The following RTN4RL1 variants were observed in gnomAD, a reference collection of about 807,000 sequenced individuals.
The protein encoded by RTN4RL1 is reticulon-4 receptor-like 1.
Under a neutral mutation model 25.6 loss-of-function variants are expected in RTN4RL1, and 7 were observed. The ratio of observed to expected loss-of-function variants is 0.27; its 90% CI spans 0.16 to 0.51. The LOEUF is 0.51. Ranked by LOEUF, RTN4RL1 falls within the 20% of genes least tolerant of loss-of-function variation. The probability of loss-of-function intolerance (pLI) is 0.97; values close to 1 mark genes in which losing one functional copy is unlikely to be tolerated. For synonymous variants in RTN4RL1, 297 were observed against 288.2 expected (o/e 1.03, Z -0.31); for missense variants, 500 against 615.6 (o/e 0.81, Z 1.99).
intron 1 of RTN4RL1, among the ~76,000 whole-genome samples, chr17:1,942,690 G>A (rs1915463947): frequency 6.6e-6 from 1 of 152,130 alleles, no homozygotes; most frequent in South Asian, 2.1e-4. Flanking sequence ...AAATCCCCAA[G>A]TCCCTGCTTG....
intron 1 of RTN4RL1, among the ~76,000 whole-genome samples, chr17:1,970,821 T>C (rs2066815377): frequency 6.6e-6 from 1 of 152,176 alleles, no homozygotes; most frequent in Admixed American, 6.5e-5. Context: ...AACACTCCTC[T>C]ATTTTTAAAC....
intron 1 of RTN4RL1, among the ~76,000 whole-genome samples, chr17:1,984,904 T>C (rs1597227305): frequency 6.6e-6 from 1 of 151,622 alleles, no homozygotes; most frequent in African/African-American, 2.4e-5. Context: ...AAGGCGGAGG[T>C]TGCAGTGAGC....
At position 1,935,992 on chromosome 17, in the gene RTN4RL1, A is replaced by G. The variant is rs570318906; in HGVS notation, c.*504T>C. 6.2e-5 allele frequency: 61 copies of G among 987,188 alleles called. No homozygotes were observed. The African/African-American group carries it at 1.0e-3, about 17-fold the overall frequency. The allele number at this position is 987,188 out of a possible 1,614,324, so 61.2% of individuals were successfully genotyped here. A position where few individuals can be genotyped will look rare whatever the true frequency, so the allele number is the denominator to read the frequency against. On this transcript the variant is annotated 3_prime_UTR_variant, in exon 2 of 2. Coordinates refer to ENST00000331238, the MANE Select transcript of RTN4RL1 (RefSeq NM_178568.4). ...GGTGGAGTAGGATAGAATTCAGGGC[A>G]GGGTGACTGGCCTCAGGCAAGAGCC...
chr17:1,988,143 G>C (rs1678127473), intron 1 of RTN4RL1, among the ~76,000 whole-genome samples: 1 of 151,870 alleles, frequency 6.6e-6, no homozygotes, highest in South Asian at 2.1e-4. Flanking sequence ...AGGAGGCCGG[G>C]CATGGTGGCT....
chr17:1,958,289 G>C (rs1001926018), intron 1 of RTN4RL1, among the ~76,000 whole-genome samples: 6 of 152,222 alleles, frequency 3.9e-5, no homozygotes, highest in Non-Finnish European at 8.8e-5. Context: ...CGTGGGAGGA[G>C]ACATCTCTCT....
At chr17:1,956,723 C>A in intron 1 of RTN4RL1, among the ~76,000 whole-genome samples, 1 of 149,046 alleles carries the variant, frequency 6.7e-6, no homozygotes, top group Non-Finnish European at 1.5e-5. Context: ...AACATCACTG[C>A]ATACCTGTCG....
chr17:1,961,909 T>C (rs927119508), intron 1 of RTN4RL1, among the ~76,000 whole-genome samples: 11 of 147,474 alleles, frequency 7.5e-5, no homozygotes, highest in Admixed American at 4.8e-4. Flanking sequence ...GATCACACCA[T>C]TGGACTCCAG....
intron 1 of RTN4RL1, among the ~76,000 whole-genome samples, chr17:2,014,112 C>T (rs1019834084): frequency 1.3e-5 from 2 of 152,178 alleles, no homozygotes; most frequent in Admixed American, 6.5e-5. Context: ...CTTTCAGTAA[C>T]CTTTTGGGAG....
In RTN4RL1 at chr17:1,938,455, T is replaced by C. The variant is rs191584195; in HGVS notation, c.14-647A>G. On this transcript the variant is annotated intron_variant, in intron 1 of 1. Transcript: ENST00000331238. ...TAGCTGGGATTATAGGTGCGCACCATCACGCCCAGGTAGTTTTTGTATTTT... is the reference window on the plus strand; with the variant it reads ...TAGCTGGGATTATAGGTGCGCACCACCACGCCCAGGTAGTTTTTGTATTTT... 1.8e-4 allele frequency among the ~76,000 whole-genome samples: 28 copies of C among 151,818 alleles called. No homozygotes were observed. The East Asian group carries it at 5.5e-3, about 30-fold the overall frequency.
intron 1 of RTN4RL1, among the ~76,000 whole-genome samples, chr17:2,009,052 G>A (rs149590959): frequency 1.3e-5 from 2 of 152,296 alleles, no homozygotes; most frequent in African/African-American, 4.8e-5. Context: ...GCTCTGGTCT[G>A]GCTGGAACTG....
Position 1,935,577 on chromosome 17 carries a change from A to C in RTN4RL1, c.*919T>G. 1 of 985,232 alleles carries C rather than the reference A, an allele frequency of 1.0e-6. No individual in the cohort carries two copies. The highest frequency in any genetic ancestry group is 1.2e-6 in the Non-Finnish European group (1 of 829,802). The allele number at this position is 985,232 out of a possible 1,614,324, so 61.0% of individuals were successfully genotyped here. A position where few individuals can be genotyped will look rare whatever the true frequency, so the allele number is the denominator to read the frequency against. ...TTGCCAGTTTGGGATTCTAGACAAA[A>C]ATTCTATCACTTTGTTTTTGCTAGA... On this transcript the variant is annotated 3_prime_UTR_variant, in exon 2 of 2. Transcript: ENST00000331238.
chr17:1,956,046 A>C (rs529352043), intron 1 of RTN4RL1, among the ~76,000 whole-genome samples: 1 of 152,220 alleles, frequency 6.6e-6, no homozygotes, highest in East Asian at 1.9e-4. Context: ...TTTAAATAAA[A>C]ATTTTATTTA....
At chr17:2,004,367 CAAAAAA>C (rs58690992) in intron 1 of RTN4RL1, among the ~76,000 whole-genome samples, 64 of 36,568 alleles carry the variant, frequency 1.8e-3, no homozygotes, top group Middle Eastern at 0.014. Context: ...GACTCTGTCT[CAAAAAA>C]AAAAAAAAAA....
chr17:1,939,227 C>A (rs1380768843), intron 1 of RTN4RL1, among the ~76,000 whole-genome samples: 5 of 148,932 alleles, frequency 3.4e-5, no homozygotes, highest in African/African-American at 1.2e-4. Context: ...GTGGCGCGCA[C>A]TTGTAGTCCC....
intron 1 of RTN4RL1, among the ~76,000 whole-genome samples, chr17:1,959,810 A>T (rs7359665): frequency 2.0e-5 from 3 of 151,902 alleles, no homozygotes; most frequent in African/African-American, 7.3e-5. Context: ...TGATCCACCC[A>T]CCTCGGCCTC....
At chr17:1,957,079 ATTCTT>A (rs1302704552) in intron 1 of RTN4RL1, among the ~76,000 whole-genome samples, 1 of 152,176 alleles carries the variant, frequency 6.6e-6, no homozygotes, top group African/African-American at 2.4e-5. Context: ...GTATCTATTG[ATTCTT>A]TTCAAGAGTC....
In RTN4RL1 at chr17:2,024,946, C is replaced by G. The variant is rs2067253364; in HGVS notation, c.-81G>C. On this transcript the variant is annotated 5_prime_UTR_variant, in exon 1 of 2. Transcript: ENST00000331238. ...CCAGATTCAAATCCCTGGGCGCCAG[C>G]TGCAGCTAATCCGAGCGCGTCGAGG... The G allele has an allele frequency of 6.9e-7, 1 of 1,453,888 alleles. No homozygotes were observed. The highest frequency in any genetic ancestry group is 9.3e-7 in the Non-Finnish European group (1 of 1,070,044). 90.1% of individuals were successfully genotyped at this position (1,453,888 alleles called of 1,614,324 possible).
intron 1 of RTN4RL1, among the ~76,000 whole-genome samples, chr17:1,945,167 C>T (rs1915511741): frequency 6.6e-6 from 1 of 152,194 alleles, no homozygotes; most frequent in Non-Finnish European, 1.5e-5. Context: ...GCAGCTGTCC[C>T]TGCCTCTTCC....
Position 1,937,341 on chromosome 17 carries a change from T to C in RTN4RL1, c.481A>G (p.Ile161Val), listed in dbSNP as rs1464011443. Residue 161 changes from isoleucine to valine, a missense_variant, in exon 2 of 2, where the codon ATC becomes GTC. Ile to Val is a conservative substitution (Grantham distance 29, BLOSUM62 3). Around this residue, in one of 2 missense-constraint regions of RTN4RL1, gnomAD observed 232 missense variants for 341.1 expected, o/e 0.68. Coordinates refer to ENST00000331238, the MANE Select transcript of RTN4RL1 (RefSeq NM_178568.4). ...LQYLYLQDNH[I>V]EYLQDDIFVD... ...AAGATGTCGTCCTGGAGGTACTCGA[T>C]GTGGTTGTCCTGCAGGTAGAGGTAC... 2.5e-6 allele frequency: 4 copies of C among 1,613,622 alleles called. No homozygotes were observed. The highest frequency in any genetic ancestry group is 3.3e-5 in the Admixed American group (2 of 60,018).
Sources: allele counts gnomAD v4.1 joint callset (sites outside exome capture counted in the v4.1 genomes callset), GRCh38; gene constraint gnomAD v4.1.1; regional missense constraint gnomAD v4.1.1; transcripts MANE v1.5; gene names NCBI Gene and HGNC (gene_info 2026-07-23, HGNC 2026-07-21).